Variants in DNAAF4 observed in about 807,000 individuals in gnomAD.
DNAAF4 encodes the protein dynein axonemal assembly factor 4, also known as dynein assembly factor 4, axonemal.
Under a neutral mutation model 51.8 loss-of-function variants are expected in DNAAF4, and 43 were observed. The ratio of observed to expected loss-of-function variants is 0.83; its 90% CI spans 0.65 to 1.07. DNAAF4 has a LOEUF of 1.07. Among genes scored for constraint, DNAAF4 ranks in the 50% least tolerant of loss-of-function variants. The pLI is 0.00. For missense variants in DNAAF4, 581 were observed against 493.0 expected (o/e 1.18, Z -1.69); for synonymous variants, 194 against 165.6 (o/e 1.17, Z -1.32).
chr15:55,491,651 AAATATAT>A (rs1367021211), intron 3 of DNAAF4, among the ~76,000 whole-genome samples: 1 of 143,106 alleles, frequency 7.0e-6, no homozygotes. Context: ...ATAAAATATA[AAATATAT>A]ATTATATATT....
At chr15:55,447,877 G>GGAGAGGGGAGAGGGGAGAGGT (rs1555415614) in intron 6 of DNAAF4, among the ~76,000 whole-genome samples, 3 of 95,658 alleles carry the variant, frequency 3.1e-5, no homozygotes, top group African/African-American at 7.5e-5. Context: ...AGGGGAGAGG[G>GGAGAGGGGAGAGGGGAGAGGT]GAGAGGGGAG....
chr15:55,504,472 TA>T (rs2058716103), intron 1 of DNAAF4, among the ~76,000 whole-genome samples: 1 of 152,116 alleles, frequency 6.6e-6, no homozygotes, highest in African/African-American at 2.4e-5. Context: ...AAGACAATCC[TA>T]AACAAAAAGA....
chr15:55,445,007 C>T (rs1335664522), intron 6 of DNAAF4, among the ~76,000 whole-genome samples: 3 of 143,450 alleles, frequency 2.1e-5, no homozygotes, highest in African/African-American at 7.7e-5. Flanking sequence ...GACAATTTGA[C>T]TTCCTCTTTT....
chr15:55,431,690 G>C (rs1011877634), intron 9 of DNAAF4, among the ~76,000 whole-genome samples: 1 of 151,908 alleles, frequency 6.6e-6, no homozygotes, highest in African/African-American at 2.4e-5. Context: ...GTGTTAGCCC[G>C]GATGGTCTTG....
chr15:55,418,874 A>G (rs2057361868), intron 7 of DNAAF4: 1 of 186,596 alleles, frequency 5.4e-6, no homozygotes, highest in African/African-American at 2.3e-5. Flanking sequence ...CAGGAGCTGT[A>G]AGGAAAAAAA....
chr15:55,424,220 C>A (rs1033523465), intron 7 of DNAAF4, among the ~76,000 whole-genome samples: 1 of 152,184 alleles, frequency 6.6e-6, no homozygotes, highest in Non-Finnish European at 1.5e-5. Context: ...GCCCCCTTTT[C>A]CTTTCCTTTC....
chr15:55,427,580 C>G (rs1248226434), downstream of DNAAF4, among the ~76,000 whole-genome samples: 1 of 151,856 alleles, frequency 6.6e-6, no homozygotes, highest in Non-Finnish European at 1.5e-5. Context: ...ATATTGTAAA[C>G]ACTGATCTTA....
intron 1 of DNAAF4, among the ~76,000 whole-genome samples, chr15:55,505,181 T>C (rs2058720489): frequency 6.6e-6 from 1 of 152,218 alleles, no homozygotes; most frequent in African/African-American, 2.4e-5. Flanking sequence ...TTGTCATCAC[T>C]GGTCATCAAA....
At position 55,434,821 on chromosome 15, in the gene DNAAF4, A is replaced by G. The variant is rs1057013226; in HGVS notation, c.1047+84T>C. On this transcript the variant is annotated intron_variant, in intron 8 of 9. Coordinates refer to ENST00000321149, the MANE Select transcript of DNAAF4 (RefSeq NM_130810.4). The stretch of plus-strand genomic sequence containing the variant: ...AAATCTTTGCATCTCAATTATTTCA[A>G]CTGAACAGAAAAAGATCATCATTTA... 7.8e-6 allele frequency: 9 copies of G among 1,151,074 alleles called. No individual in the cohort carries two copies. The African/African-American group carries it at 1.1e-4, about 14-fold the overall frequency. 71.3% of individuals were successfully genotyped at this position (1,151,074 alleles called of 1,614,324 possible).
chr15:55,492,270 C>A (rs1374467382), intron 3 of DNAAF4, among the ~76,000 whole-genome samples: 2 of 138,440 alleles, frequency 1.4e-5, no homozygotes, highest in Non-Finnish European at 3.0e-5. Flanking sequence ...AAAGATCTAG[C>A]CTTTAAGCAG....
intron 3 of DNAAF4, among the ~76,000 whole-genome samples, chr15:55,496,432 G>T (rs1460803654): frequency 6.6e-6 from 1 of 152,140 alleles, no homozygotes; most frequent in Non-Finnish European, 1.5e-5. Context: ...AACTGCTAAG[G>T]CTCCAGTTCC....
At chr15:55,492,360 G>A (rs767719594) in intron 3 of DNAAF4, among the ~76,000 whole-genome samples, 1 of 151,726 alleles carries the variant, frequency 6.6e-6, no homozygotes, top group Non-Finnish European at 1.5e-5. Context: ...GTGGGTAGAG[G>A]GATGAATCAT....
In DNAAF4 at chr15:55,490,972, C is replaced by A. The variant is rs74792041; in HGVS notation, c.405+151G>T. 3,770 of 829,108 alleles carry A rather than the reference C, an allele frequency of 4.5e-3. 97 individuals carry two copies. The African/African-American group carries it at 0.059, about 13-fold the overall frequency. 51.4% of individuals were successfully genotyped at this position (829,108 alleles called of 1,614,324 possible). A position where few individuals can be genotyped will look rare whatever the true frequency, so the allele number is the denominator to read the frequency against. ...CGGTCTCAAGAAAAAAAAAAACACA[C>A]ATATAAATAGCAGACAGTCTATATA... On this transcript the variant is annotated intron_variant, in intron 4 of 9. Coordinates refer to ENST00000321149, the MANE Select transcript of DNAAF4 (RefSeq NM_130810.4).
At chr15:55,485,002 T>C (rs2058467279) in intron 4 of DNAAF4, among the ~76,000 whole-genome samples, 1 of 152,160 alleles carries the variant, frequency 6.6e-6, no homozygotes, top group Non-Finnish European at 1.5e-5. Flanking sequence ...GGATCAATAC[T>C]TTGCATCCTT....
intron 4 of DNAAF4, among the ~76,000 whole-genome samples, chr15:55,469,468 C>G (rs1197803133): frequency 1.6e-5 from 2 of 128,612 alleles, no homozygotes; most frequent in African/African-American, 5.7e-5. Flanking sequence ...CCTATGCTTA[C>G]CAATTCTTTT....
chr15:55,426,624 T>G (rs1178963836), downstream of DNAAF4, among the ~76,000 whole-genome samples: 1 of 152,106 alleles, frequency 6.6e-6, no homozygotes, highest in African/African-American at 2.4e-5. Flanking sequence ...GAGCTGGGAT[T>G]GGCCAGGCTG....
intron 7 of DNAAF4, 151 bp downstream of exon 7, chr15:55,439,321 G>T (rs951076366): frequency 1.7e-6 from 1 of 599,878 alleles, no homozygotes; most frequent in Middle Eastern, 2.9e-4. Context: ...TGTTGCCCAG[G>T]TTGGTCTCAA....
chr15:55,457,003 T>C (rs1423326438), intron 5 of DNAAF4, among the ~76,000 whole-genome samples: 1 of 152,176 alleles, frequency 6.6e-6, no homozygotes, highest in African/African-American at 2.4e-5. Flanking sequence ...TAATTTTGAC[T>C]GAGCAGGAAT....
chr15:55,489,351 C>G (rs1423370482), intron 4 of DNAAF4, among the ~76,000 whole-genome samples: 1 of 151,958 alleles, frequency 6.6e-6, no homozygotes, highest in Admixed American at 6.6e-5. Flanking sequence ...AATCTTTGAC[C>G]AGCTGACCAG....
Sources: allele counts gnomAD v4.1 joint callset (sites outside exome capture counted in the v4.1 genomes callset), GRCh38; gene constraint gnomAD v4.1.1; transcripts MANE v1.5; gene names NCBI Gene and HGNC (gene_info 2026-07-23, HGNC 2026-07-21).